The following SPMIP8 variants were observed in gnomAD, a reference collection of about 807,000 sequenced individuals.
The protein encoded by SPMIP8 is testicular tissue protein Li 196.
At chr16:57,984,179 C>T in the SPMIP8 span, 3 of 860,982 alleles carry the variant, frequency 3.5e-6, no homozygotes, top group Non-Finnish European at 4.0e-6. Flanking sequence ...GCTGGGATTA[C>T]AGGTGTGAGC....
At chr16:57,980,546 G>A in the SPMIP8 span, among the ~76,000 whole-genome samples, 2 of 152,214 alleles carry the variant, frequency 1.3e-5, no homozygotes, top group Non-Finnish European at 2.9e-5. Context: ...GTGGCTGGTG[G>A]ATCAGGGGGT....
chr16:57,987,552 A>C, the SPMIP8 span: 1 of 1,088,492 alleles, frequency 9.2e-7, no homozygotes, highest in Non-Finnish European at 1.3e-6. Context: ...AAATAAACCT[A>C]ATGCTCCCTT....
At chr16:57,982,655 TAA>T in the SPMIP8 span, among the ~76,000 whole-genome samples, 2 of 152,250 alleles carry the variant, frequency 1.3e-5, no homozygotes, top group African/African-American at 4.8e-5. Context: ...TTTGTGATGC[TAA>T]GTTTGATTAT....
At chr16:57,985,201 C>T in the SPMIP8 span, 2 of 1,523,468 alleles carry the variant, frequency 1.3e-6, no homozygotes, top group Non-Finnish European at 1.8e-6. Context: ...GCTTTCTGTT[C>T]GCAGCGGAGG....
chr16:57,987,938 T>A, the SPMIP8 span: 174 of 152,852 alleles, frequency 1.1e-3, 1 homozygote, highest in African/African-American at 4.1e-3. Context: ...GTGCCTGGGG[T>A]CCCCCTGAAG....
At chr16:57,988,041 A>G in the SPMIP8 span, 8 of 152,336 alleles carry the variant, frequency 5.3e-5, no homozygotes, top group East Asian at 1.9e-4. Flanking sequence ...CTTGCATGAG[A>G]TGCATGAAGC....
the SPMIP8 span, among the ~76,000 whole-genome samples, chr16:57,977,560 A>AGTGTGTGT: frequency 0.088 from 11,613 of 132,536 alleles, 656 homozygotes; most frequent in Non-Finnish European, 0.12. Context: ...GCACAATGTG[A>AGTGTGTGT]GTGTGTGTGT....
At chr16:57,980,684 G>A in the SPMIP8 span, among the ~76,000 whole-genome samples, 1 of 152,088 alleles carries the variant, frequency 6.6e-6, no homozygotes, top group African/African-American at 2.4e-5. Context: ...TTTGTGTTTT[G>A]CTTTTCGTTT....
At chr16:57,976,714 C>T in the SPMIP8 span, 3 of 1,549,194 alleles carry the variant, frequency 1.9e-6, no homozygotes, top group East Asian at 4.5e-5. Flanking sequence ...GCAGTCACAT[C>T]CCCTAAGGCA....
At chr16:57,985,179 C>A in the SPMIP8 span, 3 of 1,486,656 alleles carry the variant, frequency 2.0e-6, no homozygotes, top group Non-Finnish European at 2.7e-6. Context: ...GGCGGATGAG[C>A]GCTCGAGAGG....
the SPMIP8 span, chr16:57,984,278 T>G: frequency 6.2e-7 from 1 of 1,611,550 alleles, no homozygotes; most frequent in East Asian, 2.2e-5. Flanking sequence ...GAGACACCTC[T>G]TCTCCCTTTC....
At chr16:57,980,975 G>A in the SPMIP8 span, among the ~76,000 whole-genome samples, 2 of 152,108 alleles carry the variant, frequency 1.3e-5, no homozygotes, top group African/African-American at 2.4e-5. Flanking sequence ...TCAGCCTCCC[G>A]AAGTGTTGGA....
the SPMIP8 span, chr16:57,985,966 C>T: frequency 1.3e-6 from 2 of 1,594,604 alleles, no homozygotes; most frequent in Non-Finnish European, 1.7e-6. Context: ...CTGTCCCGCC[C>T]CACAGCCAAC....
chr16:57,978,099 G>A, the SPMIP8 span: 101,856 of 1,534,894 alleles, frequency 0.066, 3,866 homozygotes, highest in Non-Finnish European at 0.077. Context: ...AGGAAAGAGG[G>A]AGACAGATGC....
the SPMIP8 span, chr16:57,987,050 A>G: frequency 4.0e-6 from 1 of 252,900 alleles, no homozygotes; most frequent in Non-Finnish European, 7.5e-6. Flanking sequence ...CACTGTCATT[A>G]TTGACAGAAA....
the SPMIP8 span, chr16:57,985,281 C>G: frequency 2.6e-6 from 4 of 1,551,280 alleles, no homozygotes; most frequent in African/African-American, 1.4e-5. Flanking sequence ...GGGAGCGCTG[C>G]GCGCAGACCC....
chr16:57,984,425 G>T, the SPMIP8 span: 14 of 1,561,262 alleles, frequency 9.0e-6, no homozygotes. Flanking sequence ...AGCACCTCTG[G>T]TCCTGGGATC....
chr16:57,979,121 A>T, the SPMIP8 span, among the ~76,000 whole-genome samples: 3 of 152,314 alleles, frequency 2.0e-5, no homozygotes, highest in East Asian at 5.8e-4. Context: ...CCCCGCATGG[A>T]CTGAGGAGCT....
At chr16:57,986,054 G>A in the SPMIP8 span, 1 of 1,357,578 alleles carries the variant, frequency 7.4e-7, no homozygotes. Context: ...GAGGCCTGGC[G>A]AGGAGGAGGG....
Sources: allele counts gnomAD v4.1 joint callset (sites outside exome capture counted in the v4.1 genomes callset), GRCh38; gene constraint gnomAD v4.1.1; transcripts MANE v1.5; gene names NCBI Gene and HGNC (gene_info 2026-07-23, HGNC 2026-07-21).